Variants in IGF1R observed in about 807,000 individuals in gnomAD.
IGF1R encodes insulin like growth factor 1 receptor.
Under a neutral mutation model 144.6 loss-of-function variants are expected in IGF1R, and 44 were observed. The observed-to-expected ratio is 0.30, with a 90% CI of 0.24 to 0.39. IGF1R has a LOEUF of 0.39. Ranked by LOEUF, IGF1R falls within the 10% of genes least tolerant of loss-of-function variation. The pLI is 1.00. For synonymous variants in IGF1R, 795 were observed against 722.8 expected, an observed-to-expected ratio of 1.10 and a Z score of -1.60; for missense variants, 1,355 against 1,833.7, an observed-to-expected ratio of 0.74 and a Z score of 4.77.
At chr15:98,924,924 TC>T (rs2015649971) in intron 13 of IGF1R, among the ~76,000 whole-genome samples, 1 of 148,990 alleles carries the variant, frequency 6.7e-6, no homozygotes, top group African/African-American at 2.4e-5. Context: ...TCCGAGCCTC[TC>T]CTTTGAGGTT....
intron 2 of IGF1R, among the ~76,000 whole-genome samples, chr15:98,782,001 T>G (rs1291567163): frequency 6.6e-6 from 1 of 152,154 alleles, no homozygotes; most frequent in Admixed American, 6.5e-5. Flanking sequence ...TCCCTCCTAT[T>G]GATTTTTTTT....
rs572661150 is a variant in IGF1R, at chr15:98,713,929, G to A, written c.640+5822G>A. Reference sequence around the variant, plus strand: ...CCAGGAAATCCAGGAAGGCAGGGCCGGGCTGTGTTGGAAGCTGGCTTAGCT... The same window carrying A: ...CCAGGAAATCCAGGAAGGCAGGGCCAGGCTGTGTTGGAAGCTGGCTTAGCT... On this transcript the variant is annotated intron_variant, in intron 2 of 20. Transcript: ENST00000650285. Among the ~76,000 whole-genome samples, 14 of 152,296 alleles carry A rather than the reference G, an allele frequency of 9.2e-5. No individual in the cohort carries two copies. In the East Asian group the frequency reaches 1.5e-3, roughly 17 times the overall value.
At chr15:98,888,543 A>C (rs1314447169) in intron 2 of IGF1R, among the ~76,000 whole-genome samples, 1 of 152,104 alleles carries the variant, frequency 6.6e-6, no homozygotes. Flanking sequence ...TAGACAGCAT[A>C]TATATCCCAA....
At chr15:98,660,571 T>G (rs1394066760) in intron 1 of IGF1R, 3 of 152,368 alleles carry the variant, frequency 2.0e-5, no homozygotes, top group Middle Eastern at 3.4e-3. Flanking sequence ...TACAACAAAT[T>G]TATTTTCATC....
At chr15:98,735,294 C>G (rs60500657) in intron 2 of IGF1R, among the ~76,000 whole-genome samples, 1 of 152,346 alleles carries the variant, frequency 6.6e-6, no homozygotes, top group African/African-American at 2.4e-5. Context: ...TGTGGGTCCA[C>G]TTAATGGAAG....
In IGF1R at chr15:98,896,743, T is replaced by G. The variant is rs779245223; in HGVS notation, c.954-14T>G. ...ATTATGTGTGTTTTTGATTTTTTTTTTCTTCTTCAACAGCATGTACTGCAT... is the reference window on the plus strand; with the variant it reads ...ATTATGTGTGTTTTTGATTTTTTTTGTCTTCTTCAACAGCATGTACTGCAT... On this transcript the variant is annotated splice_polypyrimidine_tract_variant and intron_variant, in intron 3 of 20. Coordinates refer to ENST00000650285, the MANE Select transcript of IGF1R (RefSeq NM_000875.5). The G allele has an allele frequency of 8.7e-6, 14 of 1,613,612 alleles. No homozygotes were observed. The Admixed American group carries it at 1.7e-4, about 19-fold the overall frequency.
Position 98,896,900 on chromosome 15 carries a change from G to A in IGF1R, c.1097G>A (p.Arg366Gln). The A allele has an allele frequency of 2.5e-6, 4 of 1,613,792 alleles. No individual in the cohort carries two copies. Among genetic ancestry groups the A allele is most frequent in the Non-Finnish European group, 3.4e-6 (4 of 1,179,872 alleles). ...FKGNLLINIR[R>Q]GNNIASELEN... ...GGCAATTTGCTCATTAACATCCGAC[G>A]GGGGAGTAAGTATTCCATCCCCCTG... Residue 366 changes from arginine to glutamine, a missense_variant, in exon 4 of 21, where the codon CGG (arginine) becomes CAG (glutamine). Transcript: ENST00000650285.
Position 98,650,952 on chromosome 15 carries a change from TG to T in IGF1R, c.94+1282del, listed in dbSNP as rs2052348404. 3.0e-6 allele frequency: 3 copies of T among 983,656 alleles called. No homozygotes were observed. The South Asian group carries it at 1.4e-4, about 46-fold the overall frequency. The allele number at this position is 983,656 out of a possible 1,614,324, so 60.9% of individuals were successfully genotyped here. On this transcript the variant is annotated intron_variant, in intron 1 of 20. Coordinates refer to ENST00000650285, the MANE Select transcript of IGF1R (RefSeq NM_000875.5). ...CCCCGGTGTCTACGGCCGGAGGAGGTGGGGGTTTTATTCTTCTGAAAAAGTT... is the reference window on the plus strand; with the variant it reads ...CCCCGGTGTCTACGGCCGGAGGAGGTGGGGTTTTATTCTTCTGAAAAAGTT...
chr15:98,887,801 C>T (rs900450539), intron 2 of IGF1R, among the ~76,000 whole-genome samples: 1 of 152,224 alleles, frequency 6.6e-6, no homozygotes, highest in African/African-American at 2.4e-5. Flanking sequence ...CCAGCCTGGT[C>T]CCTCTCTTCT....
chr15:98,661,591 TTGCTC>T (rs147168807), intron 1 of IGF1R, among the ~76,000 whole-genome samples: 184 of 152,298 alleles, frequency 1.2e-3, no homozygotes, highest in African/African-American at 4.2e-3. Flanking sequence ...TGGCCTGTCT[TTGCTC>T]TGCTCTTCTC....
chr15:98,767,217 TGGG>T (rs45452701), intron 2 of IGF1R, among the ~76,000 whole-genome samples: 3,464 of 152,322 alleles, frequency 0.023, 138 homozygotes, highest in African/African-American at 0.08. Flanking sequence ...GTAAGCGTAC[TGGG>T]GGATGAGTGA....
intron 1 of IGF1R, among the ~76,000 whole-genome samples, chr15:98,658,770 G>A (rs2052539148): frequency 6.6e-6 from 1 of 152,098 alleles, no homozygotes; most frequent in Admixed American, 6.5e-5. Flanking sequence ...ATAACCCACG[G>A]TTTTGCTGGT....
chr15:98,899,247 C>G (rs1459316662), intron 4 of IGF1R, among the ~76,000 whole-genome samples: 1 of 152,198 alleles, frequency 6.6e-6, no homozygotes, highest in Admixed American at 6.5e-5. Flanking sequence ...GCAGTACCCC[C>G]CAGCCTCCTA....
intron 2 of IGF1R, among the ~76,000 whole-genome samples, chr15:98,776,687 C>T (rs193250350): frequency 6.6e-6 from 1 of 152,334 alleles, no homozygotes; most frequent in Admixed American, 6.5e-5. Context: ...GCGGCCCTCA[C>T]CTCCACCTCC....
intron 2 of IGF1R, among the ~76,000 whole-genome samples, chr15:98,873,174 A>T (rs1465014839): frequency 6.6e-6 from 1 of 152,168 alleles, no homozygotes; most frequent in Non-Finnish European, 1.5e-5. Flanking sequence ...ATTTTTTTAC[A>T]TGGGATATCT....
chr15:98,722,175 A>T (rs2054261505), intron 2 of IGF1R, among the ~76,000 whole-genome samples: 1 of 152,168 alleles, frequency 6.6e-6, no homozygotes, highest in Non-Finnish European at 1.5e-5. Flanking sequence ...CTGTTGTGAG[A>T]TAAGATAAAA....
At position 98,924,135 on chromosome 15, in the gene IGF1R, T is replaced by C. The variant is rs2015608660; in HGVS notation, c.2622+123T>C. 35 of 1,015,234 alleles carry C rather than the reference T, an allele frequency of 3.4e-5. 1 individual carries two copies. The South Asian group carries it at 4.7e-4, about 14-fold the overall frequency. The allele number at this position is 1,015,234 out of a possible 1,614,324, so 62.9% of individuals were successfully genotyped here. On this transcript the variant is annotated intron_variant, in intron 12 of 20. Transcript: ENST00000650285. ...TTAAAACAATAAAATCCATGCCAAG[T>C]TGGTGAGGATTTGGGTCTTTCTACC...
At chr15:98,825,119 A>G (rs1305512439) in intron 2 of IGF1R, among the ~76,000 whole-genome samples, 1 of 152,168 alleles carries the variant, frequency 6.6e-6, no homozygotes. Flanking sequence ...GATTACAGGC[A>G]TGAGCCACCA....
rs1458499347 is a variant in IGF1R at position 98,957,512 on chromosome 15, G to GT, written c.*74dup. The GT allele has an allele frequency of 1.3e-6, 2 of 1,594,868 alleles. No homozygotes were observed. Among genetic ancestry groups the GT allele is most frequent in the Non-Finnish European group, 1.7e-6 (2 of 1,167,224 alleles). Reference sequence around the variant, plus strand: ...GCAGCGGGGTGGGGGGGGAGAGAGAGTTTTAACAATCCATTCACAAGCCTC... The same window carrying GT: ...GCAGCGGGGTGGGGGGGGAGAGAGAGTTTTTAACAATCCATTCACAAGCCTC... On this transcript the variant is annotated 3_prime_UTR_variant, in exon 21 of 21. Coordinates refer to ENST00000650285, the MANE Select transcript of IGF1R (RefSeq NM_000875.5).
Sources: gnomAD v4.1 joint callset for allele counts (sites outside exome capture counted in the v4.1 genomes callset) on GRCh38, gnomAD v4.1.1 for gene constraint, MANE v1.5 for transcripts, NCBI Gene and HGNC (gene_info 2026-07-23, HGNC 2026-07-21) for gene names.